Variants in KCNMB2 observed in about 807,000 individuals in gnomAD.
KCNMB2 encodes potassium calcium-activated channel subfamily M regulatory beta subunit 2, also known as calcium-activated potassium channel subunit beta-2.
In KCNMB2, 9 loss-of-function variants were observed where a neutral mutation model predicts 24.5. That is an observed-to-expected ratio of 0.37 (90% confidence interval 0.22 to 0.64). KCNMB2 has a LOEUF of 0.64. Among genes scored for constraint, KCNMB2 ranks in the 30% least tolerant of loss-of-function variants. The pLI, the probability that KCNMB2 is intolerant of heterozygous loss-of-function variation, is 0.63. For missense variants in KCNMB2, 226 were observed against 284.3 expected (o/e 0.79, Z 1.47); for synonymous variants, 109 against 104.4 (o/e 1.04, Z -0.27).
At chr3:178,700,275 C>T (rs2108339111) in intron 1 of KCNMB2, among the ~76,000 whole-genome samples, 1 of 152,368 alleles carries the variant, frequency 6.6e-6, no homozygotes, top group Admixed American at 6.5e-5. Context: ...ACAACCAATT[C>T]AGTACTTATC....
At chr3:178,658,037 T>TA (rs1253893748) in intron 1 of KCNMB2, among the ~76,000 whole-genome samples, 1 of 152,228 alleles carries the variant, frequency 6.6e-6, no homozygotes, top group African/African-American at 2.4e-5. Flanking sequence ...CCATGGCACT[T>TA]ACTCCCTCAA....
At chr3:178,718,026 T>C (rs879333418) in intron 1 of KCNMB2, among the ~76,000 whole-genome samples, 15 of 152,340 alleles carry the variant, frequency 9.8e-5, no homozygotes, top group South Asian at 2.1e-4. Context: ...CAATAATAAG[T>C]GGACATGACT....
chr3:178,734,548 T>C (rs1462624517), intron 1 of KCNMB2, among the ~76,000 whole-genome samples: 1 of 152,220 alleles, frequency 6.6e-6, no homozygotes, highest in Non-Finnish European at 1.5e-5. Flanking sequence ...TTGTCTCTGC[T>C]TGAATGTTGG....
intron 1 of KCNMB2, among the ~76,000 whole-genome samples, chr3:178,712,786 T>C (rs1722496574): frequency 6.6e-6 from 1 of 152,242 alleles, no homozygotes; most frequent in Admixed American, 6.5e-5. Context: ...ACTGCCTTTC[T>C]ATATAATCTG....
intron 1 of KCNMB2, among the ~76,000 whole-genome samples, chr3:178,742,308 T>C (rs1347963999): frequency 6.6e-6 from 1 of 152,126 alleles, no homozygotes; most frequent in Non-Finnish European, 1.5e-5. Context: ...TTTAAACGTG[T>C]TCTACACCTG....
intron 1 of KCNMB2, among the ~76,000 whole-genome samples, chr3:178,774,517 G>A (rs12632597): frequency 0.14 from 21,401 of 152,090 alleles, 1,837 homozygotes; most frequent in Admixed American, 0.18. Flanking sequence ...TGTGTGGGAA[G>A]TTACATGGAG....
chr3:178,549,561 A>T (rs1159330154), intron 1 of KCNMB2, among the ~76,000 whole-genome samples: 1 of 144,770 alleles, frequency 6.9e-6, no homozygotes, highest in Non-Finnish European at 1.5e-5. Context: ...GCCTGACCTC[A>T]GGTGATCCGC....
At chr3:178,639,020 T>G (rs1719628982) in intron 1 of KCNMB2, among the ~76,000 whole-genome samples, 1 of 152,178 alleles carries the variant, frequency 6.6e-6, no homozygotes, top group Non-Finnish European at 1.5e-5. Flanking sequence ...TTAGATGTCT[T>G]TCTACTCTTG....
intron 1 of KCNMB2, among the ~76,000 whole-genome samples, chr3:178,622,901 T>C (rs1160161852): frequency 6.6e-6 from 1 of 152,134 alleles, no homozygotes; most frequent in Non-Finnish European, 1.5e-5. Context: ...TTAAAGGAGT[T>C]AACTAAGTTT....
intron 4 of KCNMB2, among the ~76,000 whole-genome samples, chr3:178,836,999 A>C (rs919957488): frequency 6.6e-6 from 1 of 152,158 alleles, no homozygotes; most frequent in African/African-American, 2.4e-5. Context: ...CTAAATTCAC[A>C]CCTGCCTAAG....
chr3:178,608,997 T>C (rs955621097), intron 1 of KCNMB2, among the ~76,000 whole-genome samples: 16 of 152,182 alleles, frequency 1.1e-4, no homozygotes. Flanking sequence ...TTCTTTTGGG[T>C]ACATGCCCAG....
In KCNMB2 at chr3:178,832,688, C is replaced by G. The variant is rs1311567681; in HGVS notation, c.423+4315C>G. Among the ~76,000 whole-genome samples the G allele has an allele frequency of 2.5e-5, 2 of 81,022 alleles. 1 individual carries two copies. Among genetic ancestry groups the G allele is most frequent in the Non-Finnish European group, 4.6e-5 (2 of 43,648 alleles). The allele number at this position is 81,022 out of a possible 152,430, so 53.2% of individuals were successfully genotyped here. ...TCTTCTAATTCAGCAATTCTTTCCT[C>G]TGCTCTGCAGATCAACTGTTAAACC... On this transcript the variant is annotated intron_variant, in intron 4 of 4. Transcript: ENST00000452583.
At chr3:178,783,522 G>A (rs1179584202) in intron 1 of KCNMB2, among the ~76,000 whole-genome samples, 2 of 150,448 alleles carry the variant, frequency 1.3e-5, no homozygotes, top group African/African-American at 4.9e-5. Flanking sequence ...CTTGTAAGGT[G>A]GATTCCTAGG....
chr3:178,548,938 T>TC (rs1715857322), intron 1 of KCNMB2, among the ~76,000 whole-genome samples: 2 of 152,186 alleles, frequency 1.3e-5, no homozygotes, highest in Non-Finnish European at 1.5e-5. Flanking sequence ...AATAATTGAG[T>TC]TCCCTTATTA....
At chr3:178,655,138 C>CTCTCTCTA (rs1720285695) in intron 1 of KCNMB2, among the ~76,000 whole-genome samples, 2 of 137,808 alleles carry the variant, frequency 1.5e-5, no homozygotes, top group African/African-American at 2.9e-5. Flanking sequence ...CTCTCTCTCT[C>CTCTCTCTA]TCTCTATCTC....
chr3:178,686,301 C>A (rs1264842462), intron 1 of KCNMB2, among the ~76,000 whole-genome samples: 1 of 152,116 alleles, frequency 6.6e-6, no homozygotes, highest in Non-Finnish European at 1.5e-5. Context: ...AATGGATAAA[C>A]CTGTGCATTT....
intron 1 of KCNMB2, among the ~76,000 whole-genome samples, chr3:178,657,809 C>T (rs1720396852): frequency 6.6e-6 from 1 of 152,210 alleles, no homozygotes; most frequent in Non-Finnish European, 1.5e-5. Flanking sequence ...ATGGAAGGAG[C>T]ATGTTCAAAA....
chr3:178,820,392 T>G (rs1714578664), intron 2 of KCNMB2: 2 of 152,698 alleles, frequency 1.3e-5, no homozygotes, highest in African/African-American at 4.8e-5. Flanking sequence ...CGCCAGAACT[T>G]AGCACATTGT....
chr3:178,583,465 G>A (rs1717290602), intron 1 of KCNMB2, among the ~76,000 whole-genome samples: 1 of 152,134 alleles, frequency 6.6e-6, no homozygotes. Flanking sequence ...GTAGTTGGAG[G>A]TGATATTCTG....
Sources: gnomAD v4.1 joint callset for allele counts (sites outside exome capture counted in the v4.1 genomes callset) on GRCh38, gnomAD v4.1.1 for gene constraint, MANE v1.5 for transcripts, NCBI Gene and HGNC (gene_info 2026-07-23, HGNC 2026-07-21) for gene names.